The following ADK variants were observed in gnomAD, a reference collection of about 807,000 sequenced individuals.
The protein encoded by ADK is N6,N6-dimethyladenosine kinase.
In ADK, 24 loss-of-function variants were observed where a neutral mutation model predicts 44.7. The ratio of observed to expected loss-of-function variants is 0.54; its 90% CI spans 0.39 to 0.76. ADK has a LOEUF of 0.76. Ranked by LOEUF, ADK falls within the 30% of genes least tolerant of loss-of-function variation. The pLI, the probability that ADK is intolerant of heterozygous loss-of-function variation, is 0.00. For synonymous variants in ADK, 128 were observed against 142.6 expected (o/e 0.90, Z 0.73); for missense variants, 321 against 425.1 (o/e 0.76, Z 2.15).
At chr10:74,602,105 C>CA (rs58400071) in intron 9 of ADK, among the ~76,000 whole-genome samples, 15,820 of 46,532 alleles carry the variant, frequency 0.34, 2,695 homozygotes, top group East Asian at 0.56. Context: ...ACCCTGTCTC[C>CA]AAAAAAAAAA....
intron 3 of ADK, among the ~76,000 whole-genome samples, chr10:74,286,461 G>A (rs1847165179): frequency 1.3e-5 from 2 of 152,220 alleles, no homozygotes; most frequent in South Asian, 4.1e-4. Context: ...TCCTGGAAGA[G>A]GGAGCACAGT....
chr10:74,622,817 G>C (rs1230284807), intron 9 of ADK, among the ~76,000 whole-genome samples: 1 of 152,134 alleles, frequency 6.6e-6, no homozygotes, highest in Non-Finnish European at 1.5e-5. Flanking sequence ...AGACCAGCCT[G>C]ACCAACCTGG....
intron 6 of ADK, among the ~76,000 whole-genome samples, chr10:74,461,819 C>G (rs1846180368): frequency 6.6e-6 from 1 of 152,048 alleles, no homozygotes; most frequent in Non-Finnish European, 1.5e-5. Flanking sequence ...AATATCTTAT[C>G]TGTACTAGAG....
intron 7 of ADK, chr10:74,528,288 G>T: frequency 4.6e-6 from 1 of 218,372 alleles, no homozygotes. Flanking sequence ...ACTTATAAAA[G>T]TTTTAAAACT....
chr10:74,681,414 A>G (rs1206855801), intron 10 of ADK, among the ~76,000 whole-genome samples: 2 of 152,218 alleles, frequency 1.3e-5, no homozygotes, highest in East Asian at 1.9e-4. Flanking sequence ...AAAAGCCCCT[A>G]TTTGATGAAT....
intron 6 of ADK, among the ~76,000 whole-genome samples, chr10:74,482,281 G>T (rs1184588444): frequency 6.6e-6 from 1 of 152,156 alleles, no homozygotes; most frequent in Non-Finnish European, 1.5e-5. Flanking sequence ...GCAGAAGGAA[G>T]TGAGACAAGG....
chr10:74,348,458 A>G (rs2131896201), intron 4 of ADK, among the ~76,000 whole-genome samples: 2 of 152,278 alleles, frequency 1.3e-5, no homozygotes, highest in East Asian at 3.9e-4. Flanking sequence ...TCAAAGGTAG[A>G]TAAATCCATG....
chr10:74,700,825 G>A (rs1028353014), intron 10 of ADK, among the ~76,000 whole-genome samples: 1 of 152,150 alleles, frequency 6.6e-6, no homozygotes, highest in Non-Finnish European at 1.5e-5. Context: ...ACATGTTAAT[G>A]TTCTACATAT....
chr10:74,697,673 C>T (rs1206423380), intron 10 of ADK, among the ~76,000 whole-genome samples: 2 of 152,084 alleles, frequency 1.3e-5, no homozygotes, highest in East Asian at 3.9e-4. Context: ...TCTAAAATAT[C>T]CCTAGCTTAT....
chr10:74,635,843 G>T (rs968160550), intron 9 of ADK, among the ~76,000 whole-genome samples: 2 of 151,880 alleles, frequency 1.3e-5, no homozygotes, highest in Non-Finnish European at 2.9e-5. Context: ...CAATACTTTG[G>T]GTGGCCAAGG....
intron 3 of ADK, among the ~76,000 whole-genome samples, chr10:74,280,940 TAATC>T (rs1846911205): frequency 6.6e-6 from 1 of 152,236 alleles, no homozygotes; most frequent in Non-Finnish European, 1.5e-5. Context: ...GATACTCAGT[TAATC>T]AAGTTGAGAT....
At chr10:74,273,728 G>A (rs1846537056) in intron 3 of ADK, among the ~76,000 whole-genome samples, 1 of 152,158 alleles carries the variant, frequency 6.6e-6, no homozygotes, top group Non-Finnish European at 1.5e-5. Context: ...AAAGTGCTGG[G>A]ATTACAGGCG....
At chr10:74,668,296 A>G (rs980893090) in intron 9 of ADK, among the ~76,000 whole-genome samples, 2 of 148,296 alleles carry the variant, frequency 1.3e-5, no homozygotes, top group African/African-American at 4.9e-5. Flanking sequence ...GTCTGCTTAC[A>G]TTTTTTTTTT....
intron 4 of ADK, among the ~76,000 whole-genome samples, chr10:74,344,364 A>G (rs1312462492): frequency 9.9e-5 from 15 of 152,224 alleles, no homozygotes. Flanking sequence ...ATTGAACAAT[A>G]AGACCTTCTA....
chr10:74,610,269 A>G (rs1852491562), intron 9 of ADK, among the ~76,000 whole-genome samples: 1 of 152,218 alleles, frequency 6.6e-6, no homozygotes, highest in African/African-American at 2.4e-5. Context: ...ATGCACTACA[A>G]CATGGATGAA....
chr10:74,272,795 T>C (rs1846484102), intron 3 of ADK, among the ~76,000 whole-genome samples: 1 of 152,150 alleles, frequency 6.6e-6, no homozygotes, highest in Non-Finnish European at 1.5e-5. Flanking sequence ...TGGCCAGCAA[T>C]TTACAAAGAA....
intron 6 of ADK, among the ~76,000 whole-genome samples, chr10:74,439,777 T>A (rs1003169561): frequency 6.6e-6 from 1 of 152,110 alleles, no homozygotes; most frequent in Non-Finnish European, 1.5e-5. Flanking sequence ...TAAATCATTT[T>A]ATGTTATTTT....
At chr10:74,219,306 C>G (rs917814646) in intron 2 of ADK, among the ~76,000 whole-genome samples, 3 of 152,002 alleles carry the variant, frequency 2.0e-5, no homozygotes, top group African/African-American at 7.2e-5. Context: ...ATCAATTCAA[C>G]AAGAAGAGCT....
At chr10:74,433,642 ATTTT>A (rs768191985) in intron 6 of ADK, among the ~76,000 whole-genome samples, 34 of 152,176 alleles carry the variant, frequency 2.2e-4, no homozygotes, top group Admixed American at 2.0e-3. Flanking sequence ...GTATAGAGTG[ATTTT>A]TTTATTTTCA....
Sources: allele counts gnomAD v4.1 joint callset (sites outside exome capture counted in the v4.1 genomes callset), GRCh38; gene constraint gnomAD v4.1.1; transcripts MANE v1.5; gene names NCBI Gene and HGNC (gene_info 2026-07-23, HGNC 2026-07-21).